Variants in PKMYT1 observed in about 807,000 individuals in gnomAD.
PKMYT1 encodes protein kinase, membrane associated tyrosine/threonine 1, also known as membrane-associated tyrosine- and threonine-specific cdc2-inhibitory kinase.
A neutral mutation model predicts 49.7 loss-of-function variants in PKMYT1; 35 were observed. The observed-to-expected ratio is 0.70, with a 90% CI of 0.54 to 0.93. The LOEUF (loss-of-function observed/expected upper bound fraction) is 0.93, where lower values mean the gene tolerates loss of function less well. PKMYT1 is among the 40% of genes least tolerant of loss of function. PKMYT1 has a pLI of 0.00. For synonymous variants in PKMYT1, 331 were observed against 287.6 expected (o/e 1.15, Z -1.53); for missense variants, 677 against 673.1 (o/e 1.01, Z -0.06).
chr16:2,980,275 T>TC lies in PKMYT1; in HGVS notation c.-256+10dup. On this transcript the variant is annotated intron_variant, in intron 1 of 8. Coordinates refer to ENST00000262300, the MANE Select transcript of PKMYT1 (RefSeq NM_004203.5). ...CACGCCGAGGCCCCTCACGGCGGGGTCTGGGCTCACCTGGGGCGACTGGGC... is the reference window on the plus strand; with the variant it reads ...CACGCCGAGGCCCCTCACGGCGGGGTCCTGGGCTCACCTGGGGCGACTGGGC... 1 of 152,708 alleles carries TC rather than the reference T, an allele frequency of 6.5e-6. No homozygotes were observed. The highest frequency in any genetic ancestry group is 1.5e-5 in the Non-Finnish European group (1 of 68,642). The allele number at this position is 152,708 out of a possible 1,614,324, so 9.5% of individuals were successfully genotyped here. A position where few individuals can be genotyped will look rare whatever the true frequency, so the allele number is the denominator to read the frequency against.
chr16:2,979,540 A>C (rs2072287866), intron 2 of PKMYT1, 108 bp downstream of exon 2: 1 of 863,040 alleles, frequency 1.2e-6, no homozygotes, highest in East Asian at 2.5e-5. Flanking sequence ...GGGATCCTGG[A>C]GGTCACTGGT....
In PKMYT1 at chr16:2,975,743, C is replaced by T; in HGVS notation, c.448G>A (p.Asp150Asn). The change falls in exon 4 of 9, where the codon GAC becomes AAC. Residue 150 changes from aspartate to asparagine, a missense_variant. Transcript: ENST00000262300. ...ACCTCGGCCAACTTGCGGGCCCGGT[C>T]CTTGGGGCCCCGGAATGGTGACATG... ...RSMSPFRGPK[D>N]RARKLAEVGS... is the part of the protein sequence containing the mutation. 1.2e-6 allele frequency: 2 copies of T among 1,601,994 alleles called. No individual in the cohort carries two copies. The highest frequency in any genetic ancestry group is 1.7e-6 in the Non-Finnish European group (2 of 1,179,878).
intron 3 of PKMYT1, 113 bp downstream of exon 3, chr16:2,976,551 G>T: frequency 9.3e-7 from 1 of 1,070,304 alleles, no homozygotes; most frequent in South Asian, 3.2e-5. Flanking sequence ...AGCAGGGACA[G>T]GCTGTAGGGA....
rs752456347 is a variant in PKMYT1 at position 2,974,550 on chromosome 16, C to T, written c.979G>A (p.Gly327Ser). Residue 327 changes from glycine (G) to serine (S), a missense_variant and splice_region_variant, in exon 5 of 9, where the codon GGT (glycine) becomes AGT (serine). Physicochemically the swap from Gly to Ser is moderately conservative, Grantham distance 56. Transcript: ENST00000262300. ...QGYLPPEFTAGLSSELRSVLV... is the reference protein window; with the variant it reads ...QGYLPPEFTASLSSELRSVLV... ...CCCCCTCCCGCCCTCACCTACTCAC[C>T]GGCAGTGAACTCAGGGGGCAGGTAG... 116 of 1,566,178 alleles carry T rather than the reference C, an allele frequency of 7.4e-5. No individual in the cohort carries two copies. Among genetic ancestry groups the T allele is most frequent in the Non-Finnish European group, 9.4e-5 (109 of 1,154,852 alleles).
At chr16:2,973,412 C>G (rs1303587446) in intron 7 of PKMYT1, 197 bp from the exon 8 acceptor site, 2 of 1,534,562 alleles carry the variant, frequency 1.3e-6, no homozygotes, top group African/African-American at 2.7e-5. Context: ...GGCTGCACTC[C>G]AAGGCCCCCT....
intron 2 of PKMYT1, 124 bp downstream of exon 2, chr16:2,979,524 G>C: frequency 1.3e-6 from 1 of 778,322 alleles, no homozygotes. Flanking sequence ...CAGGAGCCAG[G>C]GTGTTGGGAT....
chr16:2,977,932 C>T (rs1268869728), intron 2 of PKMYT1, among the ~76,000 whole-genome samples: 2 of 152,204 alleles, frequency 1.3e-5, no homozygotes, highest in Non-Finnish European at 2.9e-5. Flanking sequence ...CTTCCACCTG[C>T]CCCCAAGCAT....
intron 2 of PKMYT1, among the ~76,000 whole-genome samples, chr16:2,978,802 G>A (rs1264532107): frequency 6.7e-6 from 1 of 148,250 alleles, no homozygotes; most frequent in Non-Finnish European, 1.5e-5. Flanking sequence ...ATGCCCCAAG[G>A]TATTGTTTGT....
chr16:2,977,136 C>A, intron 2 of PKMYT1, 105 bp from the exon 3 acceptor site: 1 of 1,531,914 alleles, frequency 6.5e-7, no homozygotes, highest in South Asian at 1.2e-5. Context: ...GTCTATACCA[C>A]ACACTTATTC....
Position 2,974,161 on chromosome 16 carries a change from T to G in PKMYT1, c.1153-4A>C. The G allele has an allele frequency of 1.3e-6, 2 of 1,595,556 alleles. No individual in the cohort carries two copies. Among genetic ancestry groups the G allele is most frequent in the Non-Finnish European group, 1.7e-6 (2 of 1,171,126 alleles). ...AGCAGAGCAGGGCAAGCAGGGCCTG[T>G]GGGGGAGAGGAGCTCAGGATGTGGG... On this transcript the variant is annotated splice_region_variant and splice_polypyrimidine_tract_variant and intron_variant, in intron 6 of 8. Coordinates refer to ENST00000262300, the MANE Select transcript of PKMYT1 (RefSeq NM_004203.5).
intron 2 of PKMYT1, 124 bp downstream of exon 2, chr16:2,979,524 G>T: frequency 1.3e-6 from 1 of 778,322 alleles, no homozygotes; most frequent in Non-Finnish European, 2.3e-6. Flanking sequence ...CAGGAGCCAG[G>T]GTGTTGGGAT....
intron 7 of PKMYT1, 158 bp from the exon 8 acceptor site, chr16:2,973,373 C>G (rs1288625763): frequency 6.5e-7 from 1 of 1,540,374 alleles, no homozygotes; most frequent in African/African-American, 1.4e-5. Context: ...GAAAGCAGCA[C>G]TTGGACAGCC....
intron 2 of PKMYT1, among the ~76,000 whole-genome samples, chr16:2,978,284 G>T (rs2072252629): frequency 6.6e-6 from 1 of 152,208 alleles, no homozygotes; most frequent in Non-Finnish European, 1.5e-5. Flanking sequence ...GGAAGTTTTG[G>T]TGGTGCGCCA....
chr16:2,974,407 G>A lies in PKMYT1; in HGVS notation c.990C>T (p.Ser330=), dbSNP rs371810001. 7.7e-5 allele frequency: 124 copies of A among 1,608,768 alleles called. No individual in the cohort carries two copies. Among genetic ancestry groups the A allele is most frequent in the Middle Eastern group, 6.6e-4 (4 of 6,070 alleles). ...TCATGACAAGGACAGAACGCAGCTC[G>A]GAAGACAGACCTGCCCATGAGGAAG... ...LPPEFTAGLS[S]ELRSVLVMML... The change falls in exon 6 of 9, where the codon TCC becomes TCT. Residue 330 remains serine (S), a synonymous_variant. Transcript: ENST00000262300.
Position 2,974,055 on chromosome 16 carries a change from A to G in PKMYT1, c.1255T>C (p.Cys419Arg). The G allele has an allele frequency of 6.2e-7, 1 of 1,612,292 alleles. No individual in the cohort carries two copies. The highest frequency in any genetic ancestry group is 8.5e-7 in the Non-Finnish European group (1 of 1,179,778). The change falls in exon 7 of 9, where the codon TGC becomes CGC. Residue 419 changes from cysteine (C) to arginine (R), a missense_variant. Physicochemically the swap from Cys to Arg is radical, Grantham distance 180. Transcript: ENST00000262300. ...PPATPPGSPP[C>R]SLLLDSSLSS... ...AGGCTGCTGTCCAGGAGCAAACTGC[A>G]GGGTGGTGAGCCAGGCGGGGTGGCT... is the stretch of plus-strand genomic sequence containing the variant.
In PKMYT1 at chr16:2,974,465, C is replaced by T. The variant is rs1186319649; in HGVS notation, c.980-48G>A. ...TCGGGGTCCCAGAACACCGACTGCA[C>T]CCTGAGCCCAGCAGTGCCTCCATGG... On this transcript the variant is annotated intron_variant, in intron 5 of 8. Transcript: ENST00000262300. 4.5e-6 allele frequency: 7 copies of T among 1,571,164 alleles called. No homozygotes were observed. The African/African-American group carries it at 6.7e-5, about 15-fold the overall frequency.
chr16:2,975,265 C>G, intron 4 of PKMYT1, 54 bp downstream of exon 4: 1 of 1,517,310 alleles, frequency 6.6e-7, no homozygotes. Flanking sequence ...GAGCTTCCGT[C>G]CCAGGAAGGG....
chr16:2,977,434 C>G, intron 2 of PKMYT1: 1 of 1,005,126 alleles, frequency 9.9e-7, no homozygotes, highest in Non-Finnish European at 1.2e-6. Context: ...TCTCCAATTC[C>G]AAAGTGAAAA....
chr16:2,972,932 T>C lies in PKMYT1; in HGVS notation c.*21A>G. The C allele has an allele frequency of 6.3e-7, 1 of 1,586,376 alleles. No homozygotes were observed. Among genetic ancestry groups the C allele is most frequent in the Non-Finnish European group, 8.6e-7 (1 of 1,166,204 alleles). ...GAGACACAGGATAAAAGGTTAAAAG[T>C]GCAGAGGCAGAGTCTGGGGCTCAGG... On this transcript the variant is annotated 3_prime_UTR_variant, in exon 9 of 9. Transcript: ENST00000262300.
Sources: allele counts gnomAD v4.1 joint callset (sites outside exome capture counted in the v4.1 genomes callset), GRCh38; gene constraint gnomAD v4.1.1; transcripts MANE v1.5; gene names NCBI Gene and HGNC (gene_info 2026-07-23, HGNC 2026-07-21).